Variants in STK39 observed in about 807,000 individuals in gnomAD.
The protein encoded by STK39 is STE20/SPS1-related proline-alanine-rich protein kinase.
A neutral mutation model predicts 77.8 loss-of-function variants in STK39; 20 were observed. That is an observed-to-expected ratio of 0.26 (90% CI 0.18 to 0.37). The LOEUF is 0.37. STK39 is among the 10% of genes least tolerant of loss of function. STK39 has a pLI of 1.00. For synonymous variants in STK39, 246 were observed against 234.1 expected (o/e 1.05, Z -0.47); for missense variants, 479 against 656.5 (o/e 0.73, Z 2.95).
At chr2:168,144,566 A>G (rs1204265572) in intron 5 of STK39, among the ~76,000 whole-genome samples, 1 of 151,964 alleles carries the variant, frequency 6.6e-6, no homozygotes, top group Non-Finnish European at 1.5e-5. Context: ...TCAGCCTCCC[A>G]ACGTGCTGGA....
At chr2:167,998,457 G>A (rs1180638469) in intron 16 of STK39, among the ~76,000 whole-genome samples, 1 of 152,098 alleles carries the variant, frequency 6.6e-6, no homozygotes, top group East Asian at 1.9e-4. Context: ...GTTCTACTTT[G>A]TATGTAGTGC....
intron 10 of STK39, among the ~76,000 whole-genome samples, chr2:168,103,667 C>A (rs998274948): frequency 2.0e-5 from 3 of 151,882 alleles, no homozygotes; most frequent in Admixed American, 6.6e-5. Context: ...CATTTTTTTT[C>A]TTTTATATAT....
At chr2:168,160,034 C>T (rs1392331111) in intron 5 of STK39, among the ~76,000 whole-genome samples, 1 of 152,118 alleles carries the variant, frequency 6.6e-6, no homozygotes, top group African/African-American at 2.4e-5. Context: ...AATCTTACCT[C>T]GGGGATTCTT....
At chr2:168,186,234 G>A (rs1384653633) in intron 1 of STK39, among the ~76,000 whole-genome samples, 1 of 152,184 alleles carries the variant, frequency 6.6e-6, no homozygotes, top group Admixed American at 6.5e-5. Flanking sequence ...GCCAGCAAGA[G>A]AGCCCACCAG....
intron 10 of STK39, among the ~76,000 whole-genome samples, chr2:168,104,502 T>C (rs1251574868): frequency 1.3e-5 from 2 of 152,134 alleles, no homozygotes; most frequent in African/African-American, 4.8e-5. Context: ...TGTGAGCCCA[T>C]AGGGGGAGTT....
At chr2:168,170,585 G>A (rs142432540) in intron 2 of STK39, among the ~76,000 whole-genome samples, 36 of 152,324 alleles carry the variant, frequency 2.4e-4, no homozygotes, top group Admixed American at 9.8e-4. Context: ...TTTCTAGCAG[G>A]CTTCCATGTG....
chr2:168,218,392 C>G (rs1259248532), intron 1 of STK39, among the ~76,000 whole-genome samples: 3 of 152,200 alleles, frequency 2.0e-5, no homozygotes, highest in African/African-American at 7.2e-5. Context: ...TTCCGCTAAG[C>G]TGACTGGACA....
rs1368455704 is a variant in STK39 at position 168,247,244 on chromosome 2, C to T, written c.192G>A (p.Glu64=). ...CGCACTGACCGATAACCTCCTGCAGCTCGTACGCGTCCCTGCAGATGGGCC... is the reference window on the plus strand; with the variant it reads ...CGCACTGACCGATAACCTCCTGCAGTTCGTACGCGTCCCTGCAGATGGGCC... The part of the protein sequence containing the change: ...VGWPICRDAY[E]LQEVIGSGAT... The change falls in exon 1 of 18, where the codon GAG becomes GAA. Residue 64 remains glutamate (E), a synonymous_variant. Coordinates refer to ENST00000355999, the MANE Select transcript of STK39 (RefSeq NM_013233.3). 1 of 1,164,540 alleles carries T rather than the reference C, an allele frequency of 8.6e-7. No homozygotes were observed. The highest frequency in any genetic ancestry group is 2.9e-5 in the South Asian group (1 of 34,326). The allele number at this position is 1,164,540 out of a possible 1,614,324, so 72.1% of individuals were successfully genotyped here.
rs1690298040 is a variant in STK39 at position 168,226,113 on chromosome 2, G to A, written c.208+21115C>T. On this transcript the variant is annotated intron_variant, in intron 1 of 17. Coordinates refer to ENST00000355999, the MANE Select transcript of STK39 (RefSeq NM_013233.3). ...ACATGCACAGATAGTAGGTAAGAAA[G>A]CCAGGTAAAAACAGCCAGAGAAGCA... 2.6e-5 allele frequency among the ~76,000 whole-genome samples: 4 copies of A among 152,120 alleles called. No homozygotes were observed. In the South Asian group the frequency reaches 8.3e-4, roughly 32 times the overall value.
At chr2:167,958,821 G>C (rs1691856909) in intron 17 of STK39, among the ~76,000 whole-genome samples, 1 of 152,112 alleles carries the variant, frequency 6.6e-6, no homozygotes, top group South Asian at 2.1e-4. Context: ...AAAATCTATT[G>C]GTCTACCTTG....
At chr2:168,125,355 A>C (rs1230419232) in intron 10 of STK39, among the ~76,000 whole-genome samples, 1 of 152,196 alleles carries the variant, frequency 6.6e-6, no homozygotes, top group Non-Finnish European at 1.5e-5. Context: ...TCAAACCCCA[A>C]GACATGGCTG....
chr2:168,062,002 A>G (rs567335413), intron 14 of STK39, among the ~76,000 whole-genome samples: 1 of 152,338 alleles, frequency 6.6e-6, no homozygotes, highest in South Asian at 2.1e-4. Context: ...CCATCAATCA[A>G]TTAAGGCTTT....
chr2:168,025,580 A>T (rs1380436610), intron 14 of STK39, among the ~76,000 whole-genome samples: 2 of 152,252 alleles, frequency 1.3e-5, no homozygotes, highest in African/African-American at 4.8e-5. Flanking sequence ...GCTTTTGCTA[A>T]GGCTAAAGAC....
At chr2:168,036,082 T>G (rs906807719) in intron 14 of STK39, among the ~76,000 whole-genome samples, 10 of 152,312 alleles carry the variant, frequency 6.6e-5, no homozygotes, top group African/African-American at 1.9e-4. Context: ...TCAATGTTAC[T>G]TTGCAGATTT....
At chr2:168,219,015 T>C (rs1690095464) in intron 1 of STK39, among the ~76,000 whole-genome samples, 1 of 152,208 alleles carries the variant, frequency 6.6e-6, no homozygotes. Context: ...CAGGTCATTT[T>C]CCCTAAGAAT....
intron 17 of STK39, among the ~76,000 whole-genome samples, chr2:167,956,712 TC>T (rs1559032345): frequency 2.0e-4 from 7 of 35,744 alleles, no homozygotes; most frequent in African/African-American, 4.2e-4. Context: ...TCTCTCTCTC[TC>T]TCTCTCTCTC....
intron 2 of STK39, among the ~76,000 whole-genome samples, chr2:168,178,861 T>C (rs1453912047): frequency 2.0e-5 from 3 of 152,204 alleles, no homozygotes; most frequent in Admixed American, 6.5e-5. Context: ...AGTCGAGTTC[T>C]GGACCAGTTG....
At chr2:168,166,966 A>G (rs13022764) in intron 3 of STK39, among the ~76,000 whole-genome samples, 28,124 of 152,088 alleles carry the variant, frequency 0.18, 2,664 homozygotes, top group East Asian at 0.25. Flanking sequence ...CATGGAAAAC[A>G]AAGGAGAGAT....
chr2:168,106,511 T>C (rs1362664817), intron 10 of STK39, among the ~76,000 whole-genome samples: 4 of 152,180 alleles, frequency 2.6e-5, no homozygotes, highest in Admixed American at 6.5e-5. Context: ...TAGTTACATG[T>C]GGGGTACAGC....
Sources: gnomAD v4.1 joint callset for allele counts (sites outside exome capture counted in the v4.1 genomes callset) on GRCh38, gnomAD v4.1.1 for gene constraint, MANE v1.5 for transcripts, NCBI Gene and HGNC (gene_info 2026-07-23, HGNC 2026-07-21) for gene names.